The following ZNF730 variants were observed in gnomAD, a reference collection of about 807,000 sequenced individuals.
The protein encoded by ZNF730 is putative zinc finger protein 730.
A neutral mutation model predicts 12.6 loss-of-function variants in ZNF730; 12 were observed. The observed-to-expected ratio is 0.95, with a 90% confidence interval of 0.61 to 1.54. The LOEUF (loss-of-function observed/expected upper bound fraction) is 1.54, where lower values mean the gene tolerates loss of function less well. Ranked by LOEUF, ZNF730 falls within the 40% of genes most tolerant of loss-of-function variation. ZNF730 has a pLI of 0.00. For missense variants in ZNF730, 643 were observed against 583.5 expected (o/e 1.10, Z -1.05); for synonymous variants, 194 against 195.8 (o/e 0.99, Z 0.08).
chr19:23,080,803 C>G (rs1043934133), intron 1 of ZNF730, among the ~76,000 whole-genome samples: 1 of 151,412 alleles, frequency 6.6e-6, no homozygotes, highest in South Asian at 2.1e-4. Context: ...TATGTTAAAG[C>G]CTTAGTTCAT....
intron 1 of ZNF730, among the ~76,000 whole-genome samples, chr19:23,120,473 A>G (rs1970585629): frequency 6.6e-6 from 1 of 151,694 alleles, no homozygotes; most frequent in Non-Finnish European, 1.5e-5. Flanking sequence ...AGAAGTTTGT[A>G]GTAGACTTCA....
intron 1 of ZNF730, among the ~76,000 whole-genome samples, chr19:23,090,610 G>A (rs1000886980): frequency 2.0e-5 from 3 of 152,158 alleles, no homozygotes; most frequent in African/African-American, 7.2e-5. Flanking sequence ...GGAGCCTAAT[G>A]TTAATCCCCA....
At chr19:23,103,742 T>G (rs1349926770) in intron 1 of ZNF730, among the ~76,000 whole-genome samples, 1 of 152,182 alleles carries the variant, frequency 6.6e-6, no homozygotes, top group African/African-American at 2.4e-5. Context: ...GTTCCAAAAT[T>G]GTTTGGGATT....
At chr19:23,075,710 C>T (rs772831797) in intron 1 of ZNF730, among the ~76,000 whole-genome samples, 2 of 152,144 alleles carry the variant, frequency 1.3e-5, no homozygotes, top group East Asian at 1.9e-4. Flanking sequence ...GGAGGAGCTG[C>T]GACCCGTGGG....
chr19:23,079,863 C>CT (rs1326615067), intron 1 of ZNF730, among the ~76,000 whole-genome samples: 4 of 151,978 alleles, frequency 2.6e-5, no homozygotes, highest in African/African-American at 7.2e-5. Context: ...TACAGTGTCT[C>CT]TTTTTTTGAC....
At chr19:23,114,594 C>T (rs1038381961), upstream of ZNF730, among the ~76,000 whole-genome samples, 5 of 151,948 alleles carry the variant, frequency 3.3e-5, no homozygotes, top group East Asian at 1.9e-4. Context: ...CTTCATGATC[C>T]GCCCGCCTCG....
In ZNF730 at chr19:23,134,184, C is replaced by T; in HGVS notation, c.108C>T (p.Asn36=). The change falls in exon 2 of 4, where the codon AAC becomes AAT. Residue 36 remains asparagine, a synonymous_variant. Transcript: ENST00000597761. ...QNLYRNVMLD[N]YRNLVFLGIA... ...TATATAGAAATGTAATGTTAGATAA[C>T]TACAGAAACCTGGTCTTCCTGGGTG... 2 of 1,609,882 alleles carry T rather than the reference C, an allele frequency of 1.2e-6. No homozygotes were observed. Among genetic ancestry groups the T allele is most frequent in the Non-Finnish European group, 1.7e-6 (2 of 1,178,076 alleles).
upstream of ZNF730, among the ~76,000 whole-genome samples, chr19:23,115,220 G>A (rs916763444): frequency 3.3e-5 from 5 of 152,020 alleles, no homozygotes; most frequent in Admixed American, 6.6e-5. Context: ...TAGTAATATA[G>A]TTTGATCTAT....
intron 3 of ZNF730, among the ~76,000 whole-genome samples, chr19:23,138,452 G>T (rs1336203768): frequency 6.6e-6 from 1 of 152,212 alleles, no homozygotes; most frequent in Non-Finnish European, 1.5e-5. Flanking sequence ...ACCAAGGTCT[G>T]CAGTCTTGTC....
chr19:23,090,981 C>T (rs1381237098), intron 1 of ZNF730, among the ~76,000 whole-genome samples: 4 of 149,238 alleles, frequency 2.7e-5, no homozygotes, highest in Non-Finnish European at 5.9e-5. Context: ...TCCTGGGTGA[C>T]AAGAGCAAGA....
chr19:23,128,394 T>A (rs1970697178), intron 1 of ZNF730: 1 of 451,416 alleles, frequency 2.2e-6, no homozygotes. Context: ...ATAAGAAAGC[T>A]CATGCTGCTA....
chr19:23,101,549 A>G (rs1970336155), intron 1 of ZNF730, among the ~76,000 whole-genome samples: 1 of 152,096 alleles, frequency 6.6e-6, no homozygotes, highest in Non-Finnish European at 1.5e-5. Flanking sequence ...TCTGCTACCC[A>G]CCTTAGTGAT....
intron 1 of ZNF730, among the ~76,000 whole-genome samples, chr19:23,122,317 AT>A (rs1197150359): frequency 6.6e-6 from 1 of 151,588 alleles, no homozygotes; most frequent in Non-Finnish European, 1.5e-5. Context: ...ATTTTTTTAT[AT>A]TTTTAGTAGA....
At chr19:23,116,816 G>C (rs1024433324), upstream of ZNF730, among the ~76,000 whole-genome samples, 10 of 152,158 alleles carry the variant, frequency 6.6e-5, no homozygotes, top group Admixed American at 1.3e-4. Context: ...TCTGGGGTGG[G>C]CCTGTCTCAG....
At position 23,089,643 on chromosome 19, in the gene ZNF730, T is replaced by A. The variant is rs543507113; in HGVS notation, c.-94+14256T>A. Among the ~76,000 whole-genome samples the A allele has an allele frequency of 5.3e-5, 8 of 152,322 alleles. No individual in the cohort carries two copies. In the East Asian group the frequency reaches 1.4e-3, roughly 26 times the overall value. On this transcript the variant is annotated intron_variant, in intron 1 of 2. Transcript: ENST00000593635. ...GAAGTGCCTTTTGGCTACTGCCATG[T>A]TTCTGATGCCTCCCCAGCCATGTGG...
intron 1 of ZNF730, chr19:23,128,174 G>A: frequency 1.2e-6 from 1 of 856,908 alleles, no homozygotes; most frequent in Non-Finnish European, 2.0e-6. Context: ...GCAGTAGATG[G>A]AGGCTTGTCT....
rs774948004 is a variant in ZNF730, at chr19:23,145,761, G to A, written c.717G>A (p.Trp239Ter). The change falls in exon 4 of 4, where the codon TGG becomes TGA. Residue 239 changes from tryptophan to a stop codon, truncating the protein, a stop_gained. Transcript: ENST00000597761. LOFTEE classifies it low-confidence loss of function (END_TRUNC). ...KCKECGKAFN[W>*]FSHFTTHKRI... ...AAGAATGTGGCAAAGCCTTTAACTG[G>A]TTTTCACATTTTACTACACATAAGA... 5 of 1,569,162 alleles carry A rather than the reference G, an allele frequency of 3.2e-6. No individual in the cohort carries two copies. In the Admixed American group the frequency reaches 5.7e-5, roughly 18 times the overall value.
chr19:23,081,444 T>C (rs1969965426), intron 1 of ZNF730, among the ~76,000 whole-genome samples: 1 of 151,754 alleles, frequency 6.6e-6, no homozygotes, highest in Non-Finnish European at 1.5e-5. Context: ...CTCAGCCTTC[T>C]GAGTAGCTGG....
rs1350899321 is a variant in ZNF730, at chr19:23,145,662, T to C, written c.618T>C (p.Tyr206=). 1 of 1,556,368 alleles carries C rather than the reference T, an allele frequency of 6.4e-7. No homozygotes were observed. ...AGAAATCCTACAAATGTGAAGAATA[T>C]GGCAAAGCCTTTAATGAGTCCTCAA... ...TGEKSYKCEE[Y]GKAFNESSNC... The change falls in exon 4 of 4, where the codon TAT becomes TAC. Residue 206 remains tyrosine, a synonymous_variant. Coordinates refer to ENST00000597761, the MANE Select transcript of ZNF730 (RefSeq NM_001277403.2).
Sources: gnomAD v4.1 joint callset for allele counts (sites outside exome capture counted in the v4.1 genomes callset) on GRCh38, gnomAD v4.1.1 for gene constraint, MANE v1.5 for transcripts, NCBI Gene and HGNC (gene_info 2026-07-23, HGNC 2026-07-21) for gene names.